GNL2: variants seen among roughly 807,000 people sequenced by gnomAD.
The protein encoded by GNL2 is nucleolar GTP-binding protein 2.
A neutral mutation model predicts 92.3 loss-of-function variants in GNL2; 51 were observed. That is an observed-to-expected ratio of 0.55 (90% confidence interval 0.44 to 0.70). The LOEUF (loss-of-function observed/expected upper bound fraction) is 0.70, where lower values mean the gene tolerates loss of function less well. Among genes scored for constraint, GNL2 ranks in the 30% least tolerant of loss-of-function variants. GNL2 has a pLI of 0.00. For missense variants in GNL2, 844 were observed against 895.6 expected, an observed-to-expected ratio of 0.94 and a Z score of 0.74; for synonymous variants, 283 against 300.6, an observed-to-expected ratio of 0.94 and a Z score of 0.61.
Position 37,583,896 on chromosome 1 carries a change from A to T in GNL2, c.607T>A (p.Ser203Thr), listed in dbSNP as rs778890891. Reference sequence around the variant, plus strand: ...TAGAGCTCACCCCATATTCTTTTGGACTGTCCCTTTTTATAGATCTCTTCT... The same window carrying T: ...TAGAGCTCACCCCATATTCTTTTGGTCTGTCCCTTTTTATAGATCTCTTCT... ...AQEEIYKKGQSKRIWGELYKV... is the reference protein window; with the variant it reads ...AQEEIYKKGQTKRIWGELYKV... Residue 203 changes from serine to threonine, a missense_variant, in exon 6 of 16, where the codon TCC (serine) becomes ACC (threonine). Coordinates refer to ENST00000373062, the MANE Select transcript of GNL2 (RefSeq NM_013285.3). The T allele has an allele frequency of 5.0e-6, 8 of 1,590,166 alleles. No homozygotes were observed. Among genetic ancestry groups the T allele is most frequent in the Admixed American group, 1.7e-5 (1 of 59,968 alleles).
At chr1:37,594,644 C>A (rs952763180) in intron 1 of GNL2, among the ~76,000 whole-genome samples, 1 of 152,192 alleles carries the variant, frequency 6.6e-6, no homozygotes, top group African/African-American at 2.4e-5. Flanking sequence ...CCGGTTCATG[C>A]AATTCTTCCA....
intron 4 of GNL2, among the ~76,000 whole-genome samples, chr1:37,587,884 G>A (rs922156281): frequency 3.9e-5 from 6 of 152,090 alleles, no homozygotes; most frequent in African/African-American, 1.4e-4. Context: ...TTTCAAACAA[G>A]AGCATAAAAT....
At chr1:37,567,155 C>G in intron 15 of GNL2, 148 bp from the exon 16 acceptor site, 2 of 784,400 alleles carry the variant, frequency 2.5e-6, no homozygotes, top group South Asian at 3.7e-5. Flanking sequence ...TGAGGGAGGG[C>G]TCCCCCGTAG....
At chr1:37,585,781 G>C (rs763319380) in intron 5 of GNL2, among the ~76,000 whole-genome samples, 42 of 152,016 alleles carry the variant, frequency 2.8e-4, no homozygotes, top group Non-Finnish European at 4.9e-4. Flanking sequence ...ATAGCAATGA[G>C]GTAATAACAC....
chr1:37,566,981 C>A lies in GNL2; in HGVS notation c.2070G>T (p.Arg690=), dbSNP rs760762342. 1 of 1,613,924 alleles carries A rather than the reference C, an allele frequency of 6.2e-7. No homozygotes were observed. The highest frequency in any genetic ancestry group is 1.1e-5 in the South Asian group (1 of 91,040). The change falls in exon 16 of 16, where the codon CGG becomes CGT. Residue 690 remains arginine, a synonymous_variant. Coordinates refer to ENST00000373062, the MANE Select transcript of GNL2 (RefSeq NM_013285.3). ...KERRRAVRQQ[R]PKKVGVRYYE... The stretch of plus-strand genomic sequence containing the variant: ...AGTAGCGCACACCAACTTTTTTCGG[C>A]CGTTGCTGTCGTACTGCTCGCCTCC...
chr1:37,567,743 T>C lies in GNL2; in HGVS notation c.1973A>G (p.Lys658Arg), dbSNP rs1643529484. The change falls in exon 15 of 16, where the codon AAG (lysine) becomes AGG (arginine). Residue 658 changes from lysine to arginine, a missense_variant. Physicochemically the swap from Lys to Arg is conservative, Grantham distance 26 (BLOSUM62 2). Transcript: ENST00000373062. ...TTCCTCTTCCCTTTGTGCCTTCCGC[T>C]TCTTTCCCTTTTTGGAAGGTGCTGG... ...DDRAPSKKGK[K>R]RKAQREEEQE... 1 of 1,613,686 alleles carries C rather than the reference T, an allele frequency of 6.2e-7. No individual in the cohort carries two copies. Among genetic ancestry groups the C allele is most frequent in the Non-Finnish European group, 8.5e-7 (1 of 1,179,560 alleles).
Position 37,568,853 on chromosome 1 carries a change from G to T in GNL2, c.1866C>A (p.Val622=). The change falls in exon 13 of 16, where the codon GTC becomes GTA. Residue 622 remains valine, a splice_region_variant and synonymous_variant. Transcript: ENST00000373062. ...TTGTGAGAAGATGAAAATATTACCT[G>T]ACTGCTGAAAACTTTTTGGCTTTGG... is the stretch of plus-strand genomic sequence containing the variant. The part of the protein sequence containing the change: ...DKAKAKKFSA[V]RISKGLSEKI... 1.2e-6 allele frequency: 2 copies of T among 1,607,704 alleles called. No homozygotes were observed.
intron 5 of GNL2, among the ~76,000 whole-genome samples, chr1:37,584,829 T>TCC (rs1475380349): frequency 3.3e-5 from 5 of 152,006 alleles, no homozygotes; most frequent in African/African-American, 1.2e-4. Flanking sequence ...ACACTTGTAA[T>TCC]CCCAGCACTT....
At chr1:37,580,663 C>A (rs966502145) in intron 8 of GNL2, among the ~76,000 whole-genome samples, 2 of 152,190 alleles carry the variant, frequency 1.3e-5, no homozygotes, top group Admixed American at 6.5e-5. Flanking sequence ...GCCTGGAGAG[C>A]GGCCAGCCCT....
chr1:37,581,078 T>C (rs191081368), intron 8 of GNL2, among the ~76,000 whole-genome samples: 1 of 152,214 alleles, frequency 6.6e-6, no homozygotes, highest in East Asian at 1.9e-4. Context: ...GGGAAGTACA[T>C]ACAGAGAGAG....
chr1:37,568,462 T>C (rs1643542476), intron 13 of GNL2, 105 bp from the exon 14 acceptor site: 2 of 708,080 alleles, frequency 2.8e-6, no homozygotes, highest in South Asian at 3.3e-5. Flanking sequence ...CCCACTCCTA[T>C]CCAAGTAGTT....
rs780844756 is a variant in GNL2 at position 37,576,418 on chromosome 1, C to T, written c.1038+10G>A. 2 of 1,612,458 alleles carry T rather than the reference C, an allele frequency of 1.2e-6. No individual in the cohort carries two copies. The highest frequency in any genetic ancestry group is 1.7e-6 in the Non-Finnish European group (2 of 1,179,040). ...TATGCAAAAGTAAGGTCACCCTGCG[C>T]CCAACGTACCTTTGTTTCACCTGCA... On this transcript the variant is annotated intron_variant, in intron 9 of 15. Transcript: ENST00000373062.
intron 3 of GNL2, among the ~76,000 whole-genome samples, chr1:37,591,310 C>A (rs1321080839): frequency 6.6e-6 from 1 of 152,044 alleles, no homozygotes; most frequent in Non-Finnish European, 1.5e-5. Flanking sequence ...TGAGTCCATG[C>A]AAGGGAACAA....
Position 37,567,989 on chromosome 1 carries a change from T to C in GNL2, c.1952-225A>G, listed in dbSNP as rs148254779. The C allele has an allele frequency of 2.0e-4, 118 of 593,496 alleles. No individual in the cohort carries two copies. The African/African-American group carries it at 2.0e-3, about 10-fold the overall frequency. The allele number at this position is 593,496 out of a possible 1,614,324, so 36.8% of individuals were successfully genotyped here. ...ATGGTCAAATGGAGGAATGGATAAA[T>C]GCAGGAAACACACCCCCCTCTTTGT... On this transcript the variant is annotated intron_variant, in intron 14 of 15. Coordinates refer to ENST00000373062, the MANE Select transcript of GNL2 (RefSeq NM_013285.3).
chr1:37,567,624 G>C (rs1344114790), intron 15 of GNL2, 49 bp downstream of exon 15: 1 of 1,206,324 alleles, frequency 8.3e-7, no homozygotes, highest in Non-Finnish European at 1.2e-6. Flanking sequence ...TTGACAACTG[G>C]AGTTCTAGTT....
intron 5 of GNL2, among the ~76,000 whole-genome samples, chr1:37,585,241 T>G (rs931783868): frequency 3.3e-5 from 5 of 151,888 alleles, no homozygotes; most frequent in African/African-American, 1.2e-4. Context: ...GTATTTTTAG[T>G]AGGGACTGGG....
chr1:37,582,768 T>C lies in GNL2; in HGVS notation c.795+10A>G. 1.2e-6 allele frequency: 2 copies of C among 1,605,214 alleles called. No individual in the cohort carries two copies. Among genetic ancestry groups the C allele is most frequent in the Non-Finnish European group, 1.7e-6 (2 of 1,174,808 alleles). ...TTAATAGTCTATTCTGGTTTAGTAG[T>C]TGTACTTACTGTTGCCCAGGTTGGA... is the stretch of plus-strand genomic sequence containing the variant. On this transcript the variant is annotated intron_variant, in intron 7 of 15. Coordinates refer to ENST00000373062, the MANE Select transcript of GNL2 (RefSeq NM_013285.3).
Position 37,575,660 on chromosome 1 carries a change from T to C in GNL2, c.1078A>G (p.Ile360Val). The C allele has an allele frequency of 1.2e-6, 2 of 1,602,696 alleles. No individual in the cohort carries two copies. The highest frequency in any genetic ancestry group is 8.5e-7 in the Non-Finnish European group (1 of 1,176,370). The part of the protein sequence containing the change: ...YITLMRRIFL[I>V]DCPGVVYPSE... ...GGGTAAACCACACCTGGACAGTCAA[T>C]CAGGAATATCCGACGCATCAAAGTA... Residue 360 changes from isoleucine (I) to valine (V), a missense_variant, in exon 10 of 16, where the codon ATT (isoleucine) becomes GTT (valine). Transcript: ENST00000373062. The surrounding 1 kb of genome is among the most constrained non-coding windows in gnomAD (Gnocchi z 4.1).
At chr1:37,591,576 G>A (rs1034988990) in intron 3 of GNL2, among the ~76,000 whole-genome samples, 3 of 146,564 alleles carry the variant, frequency 2.0e-5, no homozygotes, top group Non-Finnish European at 4.4e-5. Context: ...CACAATCTCA[G>A]CTCACTGCAA....
Sources: allele counts gnomAD v4.1 joint callset (sites outside exome capture counted in the v4.1 genomes callset), GRCh38; gene constraint gnomAD v4.1.1; non-coding constraint Gnocchi (gnomAD v3.1); transcripts MANE v1.5; gene names NCBI Gene and HGNC (gene_info 2026-07-23, HGNC 2026-07-21).